The following KDM5A variants were observed in gnomAD, a reference collection of about 807,000 sequenced individuals.
KDM5A encodes the protein lysine-specific demethylase 5A.
In KDM5A, 42 loss-of-function variants were observed where a neutral mutation model predicts 193.5. That is an observed-to-expected ratio of 0.22 (90% CI 0.17 to 0.28). The LOEUF is 0.28. Among genes scored for constraint, KDM5A ranks in the 10% least tolerant of loss-of-function variants. KDM5A has a pLI of 1.00. For synonymous variants in KDM5A, 796 were observed against 718.1 expected (o/e 1.11, Z -1.73); for missense variants, 1,692 against 2,055.1 (o/e 0.82, Z 3.42).
At chr12:383,925 T>C (rs773348897) in intron 3 of KDM5A, 106 bp downstream of exon 3, 78 of 1,240,952 alleles carry the variant, frequency 6.3e-5, no homozygotes, top group African/African-American at 1.6e-4. Context: ...GTGCATTTCA[T>C]TGTCAAACAA....
At position 284,472 on chromosome 12, in the gene KDM5A, T is replaced by C. The variant is rs963556526; in HGVS notation, c.*984A>G. The C allele has an allele frequency of 3.9e-5, 9 of 232,310 alleles. No individual in the cohort carries two copies. The highest frequency in any genetic ancestry group is 1.2e-4 in the East Asian group (2 of 16,452). 14.4% of individuals were successfully genotyped at this position (232,310 alleles called of 1,614,324 possible). ...TCACCAGTGTTGGAAACAGCAGACATTGGGGTCAGGGCTGCAAGGCAAAAA... is the reference window on the plus strand; with the variant it reads ...TCACCAGTGTTGGAAACAGCAGACACTGGGGTCAGGGCTGCAAGGCAAAAA... On this transcript the variant is annotated 3_prime_UTR_variant, in exon 28 of 28. Transcript: ENST00000399788.
chr12:309,667 A>G, intron 22 of KDM5A, 136 bp downstream of exon 22: 1 of 880,140 alleles, frequency 1.1e-6, no homozygotes, highest in Non-Finnish European at 1.8e-6. Flanking sequence ...TTTACTTTTA[A>G]TGTGAAATAT....
chr12:334,219 C>T (rs773583612), intron 11 of KDM5A, 22 bp downstream of exon 11: 2 of 1,603,966 alleles, frequency 1.2e-6, no homozygotes, highest in East Asian at 4.5e-5. Context: ...TTCATGCATG[C>T]TGTATTTTAG....
At position 389,107 on chromosome 12, in the gene KDM5A, G is replaced by GC; in HGVS notation, c.-17_-16insG. ...CGCCCGCCATTGCAACGGCCGGGGG[G>GC]GGGGGGGGGTCCCCGTGGGGAACCG... On this transcript the variant is annotated 5_prime_UTR_variant, in exon 1 of 28. Transcript: ENST00000399788. 6.5e-7 allele frequency: 1 copy of GC among 1,543,448 alleles called. No individual in the cohort carries two copies. The highest frequency in any genetic ancestry group is 1.2e-5 in the South Asian group (1 of 85,286).
At chr12:366,745 AG>A (rs1944361481) in intron 3 of KDM5A, among the ~76,000 whole-genome samples, 1 of 152,238 alleles carries the variant, frequency 6.6e-6, no homozygotes, top group African/African-American at 2.4e-5. Context: ...GGTCACATCA[AG>A]CCAGGCACTC....
chr12:359,609 G>C (rs1406477867), intron 5 of KDM5A, among the ~76,000 whole-genome samples: 1 of 151,858 alleles, frequency 6.6e-6, no homozygotes, highest in Admixed American at 6.6e-5. Flanking sequence ...CTGAGTGGTG[G>C]TATGTACTTA....
At position 378,285 on chromosome 12, in the gene KDM5A, TAA is replaced by T. The variant is rs542243378; in HGVS notation, c.366+5744_366+5745del. ...TTCATTTTAAGCCCCCTTTTTTTTT[TAA>T]AGACAGGGTCTTACTCTGTTGCCCA... On this transcript the variant is annotated intron_variant, in intron 3 of 27. Transcript: ENST00000399788. Among the ~76,000 whole-genome samples the T allele has an allele frequency of 7.9e-5, 12 of 152,042 alleles. No homozygotes were observed. In the South Asian group the frequency reaches 2.3e-3, roughly 29 times the overall value.
At chr12:359,404 C>A (rs1199429325) in intron 5 of KDM5A, among the ~76,000 whole-genome samples, 1 of 152,142 alleles carries the variant, frequency 6.6e-6, no homozygotes, top group Non-Finnish European at 1.5e-5. Context: ...AAAGATTGGA[C>A]ATGGCATATA....
intron 3 of KDM5A, among the ~76,000 whole-genome samples, chr12:369,381 A>G (rs1187343002): frequency 6.6e-6 from 1 of 152,158 alleles, no homozygotes; most frequent in Non-Finnish European, 1.5e-5. Flanking sequence ...TAAAACAAAG[A>G]TCTTTGTCAC....
chr12:386,012 T>C (rs745896924), intron 1 of KDM5A, 38 bp from the exon 2 acceptor site: 5 of 1,509,888 alleles, frequency 3.3e-6, no homozygotes, highest in South Asian at 2.2e-5. Flanking sequence ...CACAGTGGTA[T>C]GTAAACAAGG....
rs747630131 is a variant in KDM5A at position 350,789 on chromosome 12, G to GA, written c.1150-11dup. ...GTTCTGTGGGAACCATCTACACAGG[G>GA]AAAAAAAAGATGACAAATTATTAAA... On this transcript the variant is annotated splice_polypyrimidine_tract_variant and intron_variant, in intron 9 of 27. Transcript: ENST00000399788. The GA allele has an allele frequency of 3.3e-5, 53 of 1,609,830 alleles. No homozygotes were observed. Among genetic ancestry groups the GA allele is most frequent in the Middle Eastern group, 1.6e-4 (1 of 6,068 alleles).
At position 285,038 on chromosome 12, in the gene KDM5A, A is replaced by G. The variant is rs900165887; in HGVS notation, c.*418T>C. The stretch of plus-strand genomic sequence containing the variant: ...AATCCCTCTCCAACTATCCCAATGA[A>G]GGAGATCCAAGCAATTAGCACCTTC... On this transcript the variant is annotated 3_prime_UTR_variant, in exon 28 of 28. Coordinates refer to ENST00000399788, the MANE Select transcript of KDM5A (RefSeq NM_001042603.3). 1.4e-5 allele frequency: 4 copies of G among 286,694 alleles called. No homozygotes were observed. Among genetic ancestry groups the G allele is most frequent in the African/African-American group, 8.4e-5 (4 of 47,524 alleles). 17.8% of individuals were successfully genotyped at this position (286,694 alleles called of 1,614,324 possible).
intron 24 of KDM5A, 69 bp from the exon 25 acceptor site, chr12:297,269 A>C: frequency 1.4e-6 from 2 of 1,400,634 alleles, no homozygotes; most frequent in Non-Finnish European, 2.0e-6. Context: ...AAGGCCCAAA[A>C]TGGAGGCTTT....
At chr12:372,321 T>C (rs1384931453) in intron 3 of KDM5A, among the ~76,000 whole-genome samples, 3 of 152,210 alleles carry the variant, frequency 2.0e-5, no homozygotes, top group Non-Finnish European at 4.4e-5. Context: ...TCACATCCCT[T>C]GTAAGTTGGA....
chr12:335,377 C>A (rs539198442), intron 10 of KDM5A, among the ~76,000 whole-genome samples: 2 of 152,340 alleles, frequency 1.3e-5, no homozygotes, highest in South Asian at 4.1e-4. Flanking sequence ...ACTATTTTCA[C>A]AATAATTCTA....
In KDM5A at chr12:285,446, C is replaced by T. The variant is rs200999218; in HGVS notation, c.*10G>A. On this transcript the variant is annotated 3_prime_UTR_variant, in exon 28 of 28. Coordinates refer to ENST00000399788, the MANE Select transcript of KDM5A (RefSeq NM_001042603.3). ...ATGTCCCCCCATGTCCCAAACTAAC[C>T]AAGCATCTGCTAACTGGTCTCTTTA... 8.6e-5 allele frequency: 138 copies of T among 1,612,628 alleles called. No individual in the cohort carries two copies. The highest frequency in any genetic ancestry group is 6.8e-6 in the Non-Finnish European group (8 of 1,178,892).
chr12:360,536 T>C (rs751426976), intron 5 of KDM5A, among the ~76,000 whole-genome samples: 8 of 152,196 alleles, frequency 5.3e-5, no homozygotes, highest in Non-Finnish European at 7.3e-5. Flanking sequence ...ATTAAACATA[T>C]ACATGACCAG....
chr12:333,435 G>GA, intron 12 of KDM5A, 52 bp downstream of exon 12: 6 of 1,604,840 alleles, frequency 3.7e-6, no homozygotes, highest in Non-Finnish European at 5.1e-6. Flanking sequence ...AAAGAAAAAA[G>GA]AAAAAACAAA....
rs776105592 is a variant in KDM5A, at chr12:355,159, A to T, written c.869T>A (p.Phe290Tyr). ...CCTGACAGACCCCAAAACACTTACAAAGTTAACAGAGAGAGTGCCTTTCCG... is the reference window on the plus strand; with the variant it reads ...CCTGACAGACCCCAAAACACTTACATAGTTAACAGAGAGAGTGCCTTTCCG... ...RQRKGTLSVN[F>Y]VDLYVCMFCG... is the part of the protein sequence containing the mutation. Residue 290 changes from phenylalanine to tyrosine, a missense_variant and splice_region_variant, in exon 7 of 28, where the codon TTT becomes TAT. Phe to Tyr is a conservative substitution (Grantham distance 22). Coordinates refer to ENST00000399788, the MANE Select transcript of KDM5A (RefSeq NM_001042603.3). 4 of 1,584,582 alleles carry T rather than the reference A, an allele frequency of 2.5e-6. No homozygotes were observed. In the South Asian group the frequency reaches 4.4e-5, roughly 17 times the overall value.
Sources: gnomAD v4.1 joint callset for allele counts (sites outside exome capture counted in the v4.1 genomes callset) on GRCh38, gnomAD v4.1.1 for gene constraint, MANE v1.5 for transcripts, NCBI Gene and HGNC (gene_info 2026-07-23, HGNC 2026-07-21) for gene names.